ITSN2: variants seen among roughly 807,000 people sequenced by gnomAD.
The protein encoded by ITSN2 is intersectin 2.
In ITSN2, 156 loss-of-function variants were observed where a neutral mutation model predicts 243.7. The observed-to-expected ratio is 0.64, with a 90% CI of 0.56 to 0.73. The LOEUF (loss-of-function observed/expected upper bound fraction) is 0.73. Among genes scored for constraint, ITSN2 ranks in the 30% least tolerant of loss-of-function variants. ITSN2 has a pLI of 0.00. For synonymous variants in ITSN2, 703 were observed against 699.9 expected, an observed-to-expected ratio of 1.00 and a Z score of -0.07; for missense variants, 1,801 against 1,996.1, an observed-to-expected ratio of 0.90 and a Z score of 1.86.
intron 37 of ITSN2, 172 bp from the exon 38 acceptor site, chr2:24,205,469 G>T: frequency 1.7e-6 from 1 of 573,046 alleles, no homozygotes; most frequent in Non-Finnish European, 3.1e-6. Context: ...TGCCTGCTAG[G>T]AAGCCCCTGC....
chr2:24,308,672 T>C lies in ITSN2; in HGVS notation c.738A>G (p.Leu246=). 1 of 1,536,364 alleles carries C rather than the reference T, an allele frequency of 6.5e-7. No individual in the cohort carries two copies. Among genetic ancestry groups the C allele is most frequent in the Non-Finnish European group, 8.8e-7 (1 of 1,135,610 alleles). ...SEWAVPQPTR[L]KYRQKFNTLD... ...GAGTATTAAATTTTTGCCGATATTT[T>C]AATCTTGTAGGCTGAGGAACTGCCC... Residue 246 remains leucine, a synonymous_variant, in exon 8 of 40, where the codon TTA becomes TTG. Transcript: ENST00000355123.
At chr2:24,229,713 C>T (rs752534290) in intron 29 of ITSN2, among the ~76,000 whole-genome samples, 25 of 152,160 alleles carry the variant, frequency 1.6e-4, no homozygotes, top group Non-Finnish European at 3.4e-4. Context: ...TCAGATATTT[C>T]ACTTTAAAGA....
chr2:24,272,101 AAATC>A (rs1163921168), intron 18 of ITSN2, among the ~76,000 whole-genome samples, 160 bp from the exon 19 acceptor site: 3 of 152,190 alleles, frequency 2.0e-5, no homozygotes, highest in African/African-American at 7.2e-5. Flanking sequence ...AAAGGAAAAC[AAATC>A]AATCAATCAA....
At chr2:24,261,285 T>C (rs780277630) in intron 21 of ITSN2, 35 bp from the exon 22 acceptor site, 124 of 1,491,204 alleles carry the variant, frequency 8.3e-5, no homozygotes, top group Non-Finnish European at 1.1e-4. Context: ...AGTATATTTA[T>C]TTGTTTAGAA....
At position 24,225,387 on chromosome 2, in the gene ITSN2, T is replaced by C. The variant is rs557643924; in HGVS notation, c.3578-4321A>G. ...TCCCTGTCACATCTCCACTCGGGAT[T>C]CTGGTTTCTGCCCCACTGCCCGACA... On this transcript the variant is annotated intron_variant, in intron 29 of 39. Coordinates refer to ENST00000355123, the MANE Select transcript of ITSN2 (RefSeq NM_006277.3). The surrounding 1 kb of genome is among the most constrained non-coding windows in gnomAD (Gnocchi z 4.2). Among the ~76,000 whole-genome samples, 1 of 152,290 alleles carries C rather than the reference T, an allele frequency of 6.6e-6. No homozygotes were observed. Among genetic ancestry groups the C allele is most frequent in the Admixed American group, 6.5e-5 (1 of 15,292 alleles).
chr2:24,350,130 C>T (rs1375213645), intron 1 of ITSN2, among the ~76,000 whole-genome samples: 1 of 152,122 alleles, frequency 6.6e-6, no homozygotes, highest in Non-Finnish European at 1.5e-5. Context: ...TATTCTAATA[C>T]ATAAATATCA....
chr2:24,302,359 T>A (rs893010250), intron 9 of ITSN2, among the ~76,000 whole-genome samples: 1 of 151,756 alleles, frequency 6.6e-6, no homozygotes, highest in Non-Finnish European at 1.5e-5. Context: ...CCACCACGCC[T>A]GGCTAATTTT....
chr2:24,315,370 T>C (rs1683782643), intron 2 of ITSN2, 146 bp from the exon 3 acceptor site: 2 of 497,602 alleles, frequency 4.0e-6, no homozygotes, highest in Non-Finnish European at 7.2e-6. Flanking sequence ...ATCATAACCA[T>C]ACATAGCACA....
At chr2:24,205,603 T>G (rs1668783926) in intron 37 of ITSN2, 1 of 341,884 alleles carries the variant, frequency 2.9e-6, no homozygotes, top group Non-Finnish European at 5.7e-6. Context: ...TATCCCTCGC[T>G]TATGAGCAGC....
intron 20 of ITSN2, among the ~76,000 whole-genome samples, chr2:24,262,010 C>T (rs1386548361): frequency 2.6e-5 from 4 of 152,104 alleles, no homozygotes; most frequent in African/African-American, 9.7e-5. Flanking sequence ...AACAATCCTC[C>T]CCTATCTCAT....
rs765724763 is a variant in ITSN2 at position 24,275,757 on chromosome 2, T to C, written c.2037A>G (p.Arg679=). ...GTTTCTTTTTCTGCATTAGTTCTAATCTTTTCCTTTCAATTTCCTTCAACT... is the reference window on the plus strand; with the variant it reads ...GTTTCTTTTTCTGCATTAGTTCTAACCTTTTCCTTTCAATTTCCTTCAACT... ...RDKLKEIERK[R]LELMQKKKLE... Residue 679 remains arginine, a synonymous_variant, in exon 18 of 40, where the codon AGA becomes AGG. Coordinates refer to ENST00000355123, the MANE Select transcript of ITSN2 (RefSeq NM_006277.3). The C allele has an allele frequency of 4.3e-6, 7 of 1,612,252 alleles. No individual in the cohort carries two copies. The South Asian group carries it at 7.7e-5, about 18-fold the overall frequency.
At chr2:24,209,077 G>A (rs1669219184) in intron 36 of ITSN2, 23 bp downstream of exon 36, 2 of 1,612,628 alleles carry the variant, frequency 1.2e-6, no homozygotes. Flanking sequence ...GTTCAAGGCA[G>A]GCCACACATG....
intron 18 of ITSN2, 52 bp downstream of exon 18, chr2:24,275,661 A>T: frequency 6.9e-7 from 1 of 1,455,476 alleles, no homozygotes; most frequent in South Asian, 1.3e-5. Flanking sequence ...ATGAGCAACA[A>T]AATTACAATT....
chr2:24,207,294 G>T (rs1668995014), intron 37 of ITSN2, among the ~76,000 whole-genome samples: 1 of 152,034 alleles, frequency 6.6e-6, no homozygotes, highest in Admixed American at 6.6e-5. Flanking sequence ...TGGCGAGGGA[G>T]GAGGACTGCA....
At chr2:24,228,882 G>A (rs906645786) in intron 29 of ITSN2, among the ~76,000 whole-genome samples, 3 of 152,162 alleles carry the variant, frequency 2.0e-5, no homozygotes, top group Admixed American at 6.5e-5. Flanking sequence ...TAAAAATCAG[G>A]TCATAGAAGT....
chr2:24,287,522 GA>G (rs1679664382), intron 15 of ITSN2, among the ~76,000 whole-genome samples: 1 of 152,022 alleles, frequency 6.6e-6, no homozygotes, highest in Admixed American at 6.6e-5. Flanking sequence ...ATATCTCTTT[GA>G]GACAGTAATT....
Position 24,255,961 on chromosome 2 carries a change from G to A in ITSN2, c.2889-1530C>T, listed in dbSNP as rs150899642. 6.6e-4 allele frequency among the ~76,000 whole-genome samples: 101 copies of A among 152,302 alleles called. 1 individual carries two copies. Among genetic ancestry groups the A allele is most frequent in the African/African-American group, 2.4e-3 (99 of 41,566 alleles). ...CCAGCTACTCAGGAGGCTGAGGCAG[G>A]AGAATCGCTTGAACCCGGGAGGTGG... On this transcript the variant is annotated intron_variant, in intron 23 of 39. Coordinates refer to ENST00000355123, the MANE Select transcript of ITSN2 (RefSeq NM_006277.3).
chr2:24,330,405 C>T, intron 1 of ITSN2: 2 of 595,438 alleles, frequency 3.4e-6, no homozygotes, highest in South Asian at 1.4e-5. Flanking sequence ...CACCACCATG[C>T]CCAAGAGAAA....
At position 24,221,004 on chromosome 2, in the gene ITSN2, T is replaced by G. The variant is rs1366929200; in HGVS notation, c.3640A>C (p.Ile1214Leu). The change falls in exon 30 of 40, where the codon ATT becomes CTT. Residue 1214 changes from isoleucine (I) to leucine (L), a missense_variant. This residue lies in a region of ITSN2 where 928 missense variants were observed against 1,065.4 expected (regional missense o/e 0.87). Coordinates refer to ENST00000355123, the MANE Select transcript of ITSN2 (RefSeq NM_006277.3). ...TCTTCGGTCTGAATCAGCTCATGAA[T>G]ATAGCCCTGTCTTTTCCTCTCAATT... ...QPIERKRQGYIHELIQTEERY... is the reference protein window; with the variant it reads ...QPIERKRQGYLHELIQTEERY... The G allele has an allele frequency of 6.2e-7, 1 of 1,610,208 alleles. No individual in the cohort carries two copies. The highest frequency in any genetic ancestry group is 1.3e-5 in the African/African-American group (1 of 74,794).
Sources: gnomAD v4.1 joint callset for allele counts (sites outside exome capture counted in the v4.1 genomes callset) on GRCh38, gnomAD v4.1.1 for gene constraint, gnomAD v4.1.1 regional missense constraint, Gnocchi (gnomAD v3.1) non-coding constraint, MANE v1.5 for transcripts, NCBI Gene and HGNC (gene_info 2026-07-23, HGNC 2026-07-21) for gene names.